The following RSF1 variants were observed in gnomAD, a reference collection of about 807,000 sequenced individuals.
The protein encoded by RSF1 is remodeling and spacing factor 1, also known as HBV pX-associated protein 8.
A neutral mutation model predicts 145.2 loss-of-function variants in RSF1; 13 were observed. That is an observed-to-expected ratio of 0.09 (90% CI 0.06 to 0.14). RSF1 has a LOEUF of 0.14. Among genes scored for constraint, RSF1 ranks in the 10% least tolerant of loss-of-function variants. The pLI is 1.00. For missense variants in RSF1, 1,517 were observed against 1,718.2 expected (o/e 0.88, Z 2.07); for synonymous variants, 577 against 592.6 (o/e 0.97, Z 0.38).
the RSF1 span, among the ~76,000 whole-genome samples, chr11:77,864,234 T>C: frequency 2.0e-5 from 3 of 152,050 alleles, no homozygotes; most frequent in Non-Finnish European, 4.4e-5. Context: ...GCCAAGATGA[T>C]CCCTTTAATA....
Position 77,687,818 on chromosome 11 carries a change from A to G in RSF1, c.2901-2659T>C, listed in dbSNP as rs1326216931. On this transcript the variant is annotated intron_variant, in intron 9 of 15. Transcript: ENST00000308488. The stretch of plus-strand genomic sequence containing the variant: ...CAAATATTGTGGCATACTTTAAAAT[A>G]AAAATTTCTAAAAATCAAAATATTT... Among the ~76,000 whole-genome samples, 13 of 152,350 alleles carry G rather than the reference A, an allele frequency of 8.5e-5. 1 individual carries two copies.
At chr11:77,689,751 A>C (rs1960100767) in intron 9 of RSF1, among the ~76,000 whole-genome samples, 1 of 152,212 alleles carries the variant, frequency 6.6e-6, no homozygotes, top group East Asian at 1.9e-4. Context: ...AGTAGGTGAA[A>C]ATGAATGATC....
chr11:77,693,816 G>A (rs1032226583), intron 7 of RSF1, among the ~76,000 whole-genome samples: 31 of 130,178 alleles, frequency 2.4e-4, no homozygotes, highest in Middle Eastern at 4.3e-3. Flanking sequence ...ACAGAGTCTC[G>A]CTCTGTTGCC....
intron 15 of RSF1, 116 bp from the exon 16 acceptor site, chr11:77,667,607 T>C: frequency 2.3e-6 from 2 of 886,460 alleles, no homozygotes; most frequent in Non-Finnish European, 3.4e-6. Flanking sequence ...TGTACCTAAA[T>C]GTTTCCTTTC....
At chr11:77,827,103 C>CAA in the RSF1 span, among the ~76,000 whole-genome samples, 1 of 144,072 alleles carries the variant, frequency 6.9e-6, no homozygotes, top group Non-Finnish European at 1.5e-5. Flanking sequence ...AAACTCGTCT[C>CAA]AAAAAAAAAA....
At position 77,666,955 on chromosome 11, in the gene RSF1, C is replaced by T; in HGVS notation, c.4288G>A (p.Asp1430Asn). 1 of 1,596,520 alleles carries T rather than the reference C, an allele frequency of 6.3e-7. No individual in the cohort carries two copies. ...CTGTTACAGACATAATCAACAAGGT[C>T]AGTCACTCTCAAAAGCTCATCTTCC... ...EEEDELLRVT[D>N]LVDYVCNSEQ... The change falls in exon 16 of 16, where the codon GAC (aspartate) becomes AAC (asparagine). Residue 1430 changes from aspartate to asparagine, a missense_variant. This residue lies in a region of RSF1 where 10 missense variants were observed against 29.5 expected (regional missense o/e 0.34). Transcript: ENST00000308488.
intron 1 of RSF1, among the ~76,000 whole-genome samples, chr11:77,774,609 TAAATAAATA>T (rs1948322145): frequency 1.6e-5 from 2 of 128,304 alleles, no homozygotes; most frequent in Admixed American, 8.4e-5. Flanking sequence ...AATAAATAAA[TAAATAAATA>T]AAATAAAGAA....
At chr11:77,671,945 G>T (rs1590821218) in intron 15 of RSF1, 97 bp downstream of exon 15, 3 of 1,181,666 alleles carry the variant, frequency 2.5e-6, no homozygotes, top group Middle Eastern at 2.0e-4. Flanking sequence ...GGTTATATGA[G>T]TTTCAAAGAA....
chr11:77,714,552 G>C (rs546431063), intron 5 of RSF1, among the ~76,000 whole-genome samples: 115 of 152,194 alleles, frequency 7.6e-4, no homozygotes, highest in South Asian at 2.3e-3. Context: ...TTTCACATAA[G>C]AAGCACTAGA....
chr11:77,716,805 AG>A (rs1960821073), intron 5 of RSF1, among the ~76,000 whole-genome samples: 1 of 152,212 alleles, frequency 6.6e-6, no homozygotes, highest in Non-Finnish European at 1.5e-5. Flanking sequence ...TATGGTAATT[AG>A]TTTTAGACAT....
chr11:77,803,562 T>C (rs1254341401), intron 1 of RSF1, among the ~76,000 whole-genome samples: 1 of 151,686 alleles, frequency 6.6e-6, no homozygotes, highest in Non-Finnish European at 1.5e-5. Flanking sequence ...GTGGATCACT[T>C]GAGGTCAGGA....
chr11:77,813,339 CT>C, intron 1 of RSF1: 1 of 896,608 alleles, frequency 1.1e-6, no homozygotes, highest in Non-Finnish European at 1.8e-6. Flanking sequence ...GCAATGGTGA[CT>C]TTCACCTCAA....
intron 1 of RSF1, among the ~76,000 whole-genome samples, chr11:77,798,687 G>A (rs1298552723): frequency 1.4e-5 from 2 of 144,032 alleles, no homozygotes; most frequent in Non-Finnish European, 3.0e-5. Flanking sequence ...CTTTTGCAGG[G>A]ACATGGATGA....
Position 77,702,150 on chromosome 11 carries a change from G to A in RSF1, c.1079C>T (p.Ser360Phe). The change falls in exon 6 of 16, where the codon TCT (serine) becomes TTT (phenylalanine). Residue 360 changes from serine (S) to phenylalanine (F), a missense_variant. Physicochemically the swap from Ser to Phe is radical, Grantham distance 155. Transcript: ENST00000308488. ...RIEFGGNIKS[S>F]HEITEKSTEE... ...AGTAGATTTCTCAGTAATTTCGTGA[G>A]AAGATTTAATATTGCCACCAAATTC... is the stretch of plus-strand genomic sequence containing the variant. 1 of 1,613,836 alleles carries A rather than the reference G, an allele frequency of 6.2e-7. No homozygotes were observed. Among genetic ancestry groups the A allele is most frequent in the Non-Finnish European group, 8.5e-7 (1 of 1,179,858 alleles).
upstream of RSF1, chr11:77,821,099 G>A: frequency 2.2e-6 from 1 of 451,314 alleles, no homozygotes; most frequent in Non-Finnish European, 3.9e-6. Flanking sequence ...CAGAGGGGGC[G>A]GGGCCTCGGG....
chr11:77,711,200 T>C (rs573327255), intron 5 of RSF1, among the ~76,000 whole-genome samples: 67 of 152,192 alleles, frequency 4.4e-4, no homozygotes, highest in South Asian at 1.2e-3. Flanking sequence ...TCATGTTTTC[T>C]TAACCTTTTC....
At chr11:77,853,625 A>T in the RSF1 span, among the ~76,000 whole-genome samples, 18 of 152,074 alleles carry the variant, frequency 1.2e-4, no homozygotes, top group African/African-American at 4.3e-4. Flanking sequence ...GCCCCTCCCA[A>T]ATCTCATGTC....
intron 2 of RSF1, among the ~76,000 whole-genome samples, chr11:77,750,771 T>C (rs1948053387): frequency 6.6e-6 from 1 of 152,258 alleles, no homozygotes; most frequent in Non-Finnish European, 1.5e-5. Flanking sequence ...TGTTCTAATA[T>C]CTAAAACATG....
intron 4 of RSF1, among the ~76,000 whole-genome samples, chr11:77,728,940 AAGG>A (rs1486855057): frequency 6.6e-6 from 1 of 152,116 alleles, no homozygotes; most frequent in Non-Finnish European, 1.5e-5. Context: ...TGCAGCTATG[AAGG>A]AGAAGTGATC....
Sources: allele counts gnomAD v4.1 joint callset (sites outside exome capture counted in the v4.1 genomes callset), GRCh38; gene constraint gnomAD v4.1.1; regional missense constraint gnomAD v4.1.1; transcripts MANE v1.5; gene names NCBI Gene and HGNC (gene_info 2026-07-23, HGNC 2026-07-21).